PDLIM1: variants seen among roughly 807,000 people sequenced by gnomAD.
PDLIM1 encodes PDZ and LIM domain 1.
A neutral mutation model predicts 35.2 loss-of-function variants in PDLIM1; 25 were observed. The ratio of observed to expected loss-of-function variants is 0.71; its 90% CI spans 0.52 to 0.99. The LOEUF is 0.99. Ranked by LOEUF, PDLIM1 falls within the 50% of genes least tolerant of loss-of-function variation. The pLI, the probability that PDLIM1 is intolerant of heterozygous loss-of-function variation, is 0.00. For missense variants in PDLIM1, 363 were observed against 415.3 expected, an observed-to-expected ratio of 0.87 and a Z score of 1.09; for synonymous variants, 152 against 154.0, an observed-to-expected ratio of 0.99 and a Z score of 0.10.
intron 1 of PDLIM1, among the ~76,000 whole-genome samples, chr10:95,274,516 C>T (rs1854338): frequency 0.058 from 8,801 of 152,024 alleles, 383 homozygotes; most frequent in South Asian, 0.18. Flanking sequence ...AGGCTGGTCT[C>T]GAACTCCTGA....
intron 4 of PDLIM1, among the ~76,000 whole-genome samples, chr10:95,259,838 G>T (rs932616912): frequency 3.9e-5 from 6 of 152,206 alleles, no homozygotes; most frequent in Non-Finnish European, 5.9e-5. Flanking sequence ...CAATTTGGAA[G>T]AGCTATTATC....
At chr10:95,281,388 G>C (rs771242974) in intron 1 of PDLIM1, among the ~76,000 whole-genome samples, 14 of 152,044 alleles carry the variant, frequency 9.2e-5, no homozygotes, top group African/African-American at 3.1e-4. Flanking sequence ...AAACTAGTCC[G>C]GGCAACACAG....
chr10:95,258,361 G>A (rs927977979), intron 4 of PDLIM1, among the ~76,000 whole-genome samples: 3 of 152,064 alleles, frequency 2.0e-5, no homozygotes, highest in African/African-American at 7.2e-5. Flanking sequence ...AATTAGCCGG[G>A]CATGGTGGCA....
At chr10:95,267,543 T>C (rs1199992776) in intron 3 of PDLIM1, among the ~76,000 whole-genome samples, 5 of 152,210 alleles carry the variant, frequency 3.3e-5, no homozygotes, top group African/African-American at 1.2e-4. Context: ...ACATCAGTTT[T>C]GAAATGATGC....
At chr10:95,282,681 G>A (rs762448749) in intron 1 of PDLIM1, among the ~76,000 whole-genome samples, 4 of 152,120 alleles carry the variant, frequency 2.6e-5, no homozygotes, top group East Asian at 3.9e-4. Context: ...GGCTCATGCC[G>A]GTAATCCCAG....
At chr10:95,273,817 CT>C (rs567790685) in intron 1 of PDLIM1, among the ~76,000 whole-genome samples, 10 of 152,272 alleles carry the variant, frequency 6.6e-5, no homozygotes, top group Admixed American at 6.5e-4. Context: ...AAAAAAATTC[CT>C]CCGTTTTCTG....
intron 4 of PDLIM1, among the ~76,000 whole-genome samples, chr10:95,257,731 AACAGTATGGAGATT>A (rs1262194998): frequency 9.2e-5 from 14 of 152,204 alleles, no homozygotes; most frequent in African/African-American, 3.4e-4. Context: ...TGCTGTGGAA[AACAGTATGGAGATT>A]ACTCAAAAAA....
At chr10:95,259,544 T>G (rs1326807297) in intron 4 of PDLIM1, among the ~76,000 whole-genome samples, 2 of 152,102 alleles carry the variant, frequency 1.3e-5, no homozygotes, top group African/African-American at 2.4e-5. Context: ...AAGGCACACA[T>G]ATTGGTCCTG....
At chr10:95,258,791 A>C (rs138432824) in intron 4 of PDLIM1, among the ~76,000 whole-genome samples, 551 of 152,294 alleles carry the variant, frequency 3.6e-3, no homozygotes, top group Non-Finnish European at 6.4e-3. Flanking sequence ...ACACTTAAAA[A>C]CGTTTAAGAT....
In PDLIM1 at chr10:95,290,408, C is replaced by T. The variant is rs565624852; in HGVS notation, c.96+412G>A. Among the ~76,000 whole-genome samples the T allele has an allele frequency of 1.3e-5, 2 of 150,074 alleles. No homozygotes were observed. The highest frequency in any genetic ancestry group is 1.3e-4 in the Admixed American group (2 of 15,106). On this transcript the variant is annotated intron_variant, in intron 1 of 6. Coordinates refer to ENST00000329399, the MANE Select transcript of PDLIM1 (RefSeq NM_020992.4). The surrounding 1 kb of genome is among the most constrained non-coding windows in gnomAD (Gnocchi z 4.7). ...TAAACTTCCCACCCACCCCACCTCA[C>T]TTTCCAGGTCTTTCCTGTTGCGTTC...
At chr10:95,241,776 C>A (rs1589504743) in intron 5 of PDLIM1, among the ~76,000 whole-genome samples, 1 of 152,134 alleles carries the variant, frequency 6.6e-6, no homozygotes, top group African/African-American at 2.4e-5. Context: ...ACAGCAAGCA[C>A]CAGAGTGCCT....
intron 2 of PDLIM1, among the ~76,000 whole-genome samples, chr10:95,269,414 A>G (rs2035442916): frequency 6.6e-6 from 1 of 151,910 alleles, no homozygotes; most frequent in Non-Finnish European, 1.5e-5. Context: ...TCCACTAAAA[A>G]TACAAAAATT....
At chr10:95,264,197 A>G (rs2035392358) in intron 3 of PDLIM1, 134 bp from the exon 4 acceptor site, 2 of 673,624 alleles carry the variant, frequency 3.0e-6, no homozygotes, top group South Asian at 1.8e-5. Context: ...ACTTTAGCTG[A>G]GGGACACTGA....
intron 4 of PDLIM1, among the ~76,000 whole-genome samples, chr10:95,263,044 C>T (rs1214386551): frequency 6.6e-6 from 1 of 151,638 alleles, no homozygotes; most frequent in Non-Finnish European, 1.5e-5. Context: ...ACTCAGGAGG[C>T]TGAGGTGGGA....
chr10:95,273,989 T>G (rs1324790039), intron 1 of PDLIM1, among the ~76,000 whole-genome samples: 1 of 152,156 alleles, frequency 6.6e-6, no homozygotes, highest in Non-Finnish European at 1.5e-5. Context: ...GAGAGCAGCC[T>G]GAATCAAGGA....
intron 1 of PDLIM1, among the ~76,000 whole-genome samples, chr10:95,272,247 ACTATAATACC>A (rs1224483820): frequency 6.6e-6 from 1 of 152,220 alleles, no homozygotes; most frequent in African/African-American, 2.4e-5. Context: ...AACATTATAT[ACTATAATACC>A]CTATTTCTTT....
intron 4 of PDLIM1, among the ~76,000 whole-genome samples, chr10:95,259,995 T>C (rs1319566868): frequency 1.3e-5 from 2 of 152,200 alleles, no homozygotes; most frequent in African/African-American, 4.8e-5. Context: ...CAAAGTCTTC[T>C]CCATTACATT....
rs1168301553 is a variant in PDLIM1 at position 95,256,573 on chromosome 10, G to A, written c.533+7291C>T. Reference sequence around the variant, plus strand: ...CTGTCAAATGATCTTCAACAAGGGTGCCACAGCTACACAATGGTTAAAGAA... The same window carrying A: ...CTGTCAAATGATCTTCAACAAGGGTACCACAGCTACACAATGGTTAAAGAA... On this transcript the variant is annotated intron_variant, in intron 4 of 6. Transcript: ENST00000329399. Among the ~76,000 whole-genome samples, 6 of 152,312 alleles carry A rather than the reference G, an allele frequency of 3.9e-5. No homozygotes were observed. In the East Asian group the frequency reaches 1.2e-3, roughly 29 times the overall value.
intron 5 of PDLIM1, among the ~76,000 whole-genome samples, chr10:95,241,143 A>G (rs12413028): frequency 0.3 from 46,244 of 152,158 alleles, 7,926 homozygotes; most frequent in Non-Finnish European, 0.39. Flanking sequence ...GCTGACAGAC[A>G]AGGGCCTTAG....
Sources: allele counts gnomAD v4.1 joint callset (sites outside exome capture counted in the v4.1 genomes callset), GRCh38; gene constraint gnomAD v4.1.1; non-coding constraint Gnocchi (gnomAD v3.1); transcripts MANE v1.5; gene names NCBI Gene and HGNC (gene_info 2026-07-23, HGNC 2026-07-21).